The following COL13A1 variants were observed in gnomAD, a reference collection of about 807,000 sequenced individuals.
COL13A1 encodes the protein collagen alpha-1(XIII) chain.
A neutral mutation model predicts 130.9 loss-of-function variants in COL13A1; 89 were observed. The ratio of observed to expected loss-of-function variants is 0.68; its 90% CI spans 0.57 to 0.81. The LOEUF (loss-of-function observed/expected upper bound fraction) is 0.81. Among genes scored for constraint, COL13A1 ranks in the 30% least tolerant of loss-of-function variants. The probability of loss-of-function intolerance (pLI) is 0.00; values close to 1 mark genes in which losing one functional copy is unlikely to be tolerated. For missense variants in COL13A1, 879 were observed against 934.6 expected (o/e 0.94, Z 0.78); for synonymous variants, 402 against 341.6 (o/e 1.18, Z -1.95).
chr10:69,910,520 G>A (rs536243124), intron 17 of COL13A1, among the ~76,000 whole-genome samples: 91 of 152,228 alleles, frequency 6.0e-4, no homozygotes, highest in African/African-American at 1.9e-3. Flanking sequence ...GACTGGGCCT[G>A]GTATCCTCTT....
At chr10:69,870,947 GT>G (rs1372263651) in intron 3 of COL13A1, among the ~76,000 whole-genome samples, 2 of 152,136 alleles carry the variant, frequency 1.3e-5, no homozygotes, top group Non-Finnish European at 2.9e-5. Flanking sequence ...CCTGAAATAA[GT>G]TTCCCTCATG....
intron 2 of COL13A1, among the ~76,000 whole-genome samples, chr10:69,842,647 T>C (rs1210690071): frequency 6.6e-6 from 1 of 152,168 alleles, no homozygotes; most frequent in South Asian, 2.1e-4. Flanking sequence ...ACAACTGTGC[T>C]CCATGAGGCT....
chr10:69,828,425 C>T (rs1228113227), intron 2 of COL13A1, among the ~76,000 whole-genome samples: 1 of 152,190 alleles, frequency 6.6e-6, no homozygotes, highest in Non-Finnish European at 1.5e-5. Context: ...CAACTCCACT[C>T]CTCTGCTCAA....
At chr10:69,876,750 C>T (rs1416579401) in intron 5 of COL13A1, among the ~76,000 whole-genome samples, 1 of 152,200 alleles carries the variant, frequency 6.6e-6, no homozygotes, top group Non-Finnish European at 1.5e-5. Flanking sequence ...CCCTGTCTTC[C>T]AAATGAAGAT....
At chr10:69,949,823 G>A (rs983522281) in intron 38 of COL13A1, among the ~76,000 whole-genome samples, 18 of 152,072 alleles carry the variant, frequency 1.2e-4, no homozygotes, top group Non-Finnish European at 2.2e-4. Flanking sequence ...ATGTTACTGT[G>A]GAGCTGCCTG....
chr10:69,864,616 G>A (rs894833615), intron 2 of COL13A1, among the ~76,000 whole-genome samples: 1 of 152,122 alleles, frequency 6.6e-6, no homozygotes, highest in African/African-American at 2.4e-5. Context: ...CACACAGTAG[G>A]CATTGTTAAG....
At chr10:69,947,472 T>A in intron 38 of COL13A1, 130 bp downstream of exon 38, 1 of 872,262 alleles carries the variant, frequency 1.1e-6, no homozygotes, top group Non-Finnish European at 1.7e-6. Flanking sequence ...ATTGAAAGGC[T>A]TTACAAGGAG....
intron 14 of COL13A1, among the ~76,000 whole-genome samples, chr10:69,898,995 G>T (rs1212414973): frequency 6.6e-6 from 1 of 152,188 alleles, no homozygotes; most frequent in Non-Finnish European, 1.5e-5. Flanking sequence ...AGCTGTCAGT[G>T]TGTGCCAGGC....
At chr10:69,833,923 A>G (rs1849411594) in intron 2 of COL13A1, among the ~76,000 whole-genome samples, 1 of 152,078 alleles carries the variant, frequency 6.6e-6, no homozygotes, top group African/African-American at 2.4e-5. Context: ...GCCAGCTTCT[A>G]TTTGGTGGGT....
chr10:69,907,743 C>A (rs1003700232), intron 17 of COL13A1, among the ~76,000 whole-genome samples: 2 of 152,100 alleles, frequency 1.3e-5, no homozygotes, highest in African/African-American at 4.8e-5. Flanking sequence ...CAATCACAAA[C>A]CCACACCCAT....
chr10:69,890,272 G>A (rs1358468580), intron 10 of COL13A1, among the ~76,000 whole-genome samples: 1 of 152,194 alleles, frequency 6.6e-6, no homozygotes, highest in Non-Finnish European at 1.5e-5. Flanking sequence ...AGGGACTGAT[G>A]GGCCATTAAG....
intron 1 of COL13A1, among the ~76,000 whole-genome samples, chr10:69,818,050 T>C (rs1336631151): frequency 1.3e-5 from 2 of 152,146 alleles, no homozygotes; most frequent in African/African-American, 4.8e-5. Flanking sequence ...GGCTCCCGAT[T>C]TCCGGGTCCA....
Position 69,802,491 on chromosome 10 carries a change from C to G in COL13A1, c.68C>G (p.Pro23Arg). ...GARGPGELGAPGTVALVAARA... is the reference protein window; with the variant it reads ...GARGPGELGARGTVALVAARA... ...CGCGGCCCTGGGGAGTTGGGCGCGC[C>G]CGGGACGGTGGCTCTGGTGGCGGCG... Residue 23 changes from proline to arginine, a missense_variant, in exon 1 of 41, where the codon CCC becomes CGC. Coordinates refer to ENST00000645393, the MANE Select transcript of COL13A1 (RefSeq NM_001368882.1). The G allele has an allele frequency of 6.5e-7, 1 of 1,526,842 alleles. No individual in the cohort carries two copies. Among genetic ancestry groups the G allele is most frequent in the Non-Finnish European group, 8.8e-7 (1 of 1,139,772 alleles). The allele number at this position is 1,526,842 out of a possible 1,614,324, so 94.6% of individuals were successfully genotyped here.
intron 26 of COL13A1, 176 bp downstream of exon 26, chr10:69,926,048 C>A: frequency 1.7e-6 from 1 of 578,796 alleles, no homozygotes. Flanking sequence ...CGCTGTGTAG[C>A]CTCCTGGGAA....
intron 17 of COL13A1, among the ~76,000 whole-genome samples, chr10:69,916,138 G>T (rs2063891641): frequency 6.6e-6 from 1 of 152,208 alleles, no homozygotes; most frequent in Non-Finnish European, 1.5e-5. Flanking sequence ...CCTGTAAGAT[G>T]GCAGGAAAGG....
intron 28 of COL13A1, 102 bp downstream of exon 28, chr10:69,929,101 A>T: frequency 1.1e-6 from 1 of 898,802 alleles, no homozygotes; most frequent in South Asian, 1.7e-5. Context: ...CACTACCACC[A>T]TACCCTCCTG....
chr10:69,900,535 C>T (rs1589394489), intron 14 of COL13A1, among the ~76,000 whole-genome samples: 1 of 152,174 alleles, frequency 6.6e-6, no homozygotes, highest in South Asian at 2.1e-4. Flanking sequence ...CAGATTCTGC[C>T]TCCAGAATCA....
intron 2 of COL13A1, among the ~76,000 whole-genome samples, chr10:69,858,775 A>G (rs917565409): frequency 5.3e-5 from 8 of 152,172 alleles, no homozygotes; most frequent in African/African-American, 1.9e-4. Flanking sequence ...TCCCCCCACC[A>G]CTAAGTCTTG....
chr10:69,878,015 C>T, intron 5 of COL13A1, 24 bp from the exon 6 acceptor site: 1 of 703,020 alleles, frequency 1.4e-6, no homozygotes, highest in South Asian at 1.5e-5. Context: ...TTCCTGCACC[C>T]TGTGTTGCAT....
Sources: gnomAD v4.1 joint callset for allele counts (sites outside exome capture counted in the v4.1 genomes callset) on GRCh38, gnomAD v4.1.1 for gene constraint, MANE v1.5 for transcripts, NCBI Gene and HGNC (gene_info 2026-07-23, HGNC 2026-07-21) for gene names.